CDKL1: variants seen among roughly 807,000 people sequenced by gnomAD.
CDKL1 encodes the protein cyclin dependent kinase like 1.
CDKL1 carries 41 observed loss-of-function variants against 42.0 expected under a neutral mutation model. That is an observed-to-expected ratio of 0.98 (90% confidence interval 0.76 to 1.27). The LOEUF is 1.27. CDKL1 is among the 50% of genes most tolerant of loss of function. The probability of loss-of-function intolerance (pLI) is 0.00; values close to 1 mark genes in which losing one functional copy is unlikely to be tolerated. For missense variants in CDKL1, 394 were observed against 428.4 expected (o/e 0.92, Z 0.71); for synonymous variants, 153 against 158.6 (o/e 0.96, Z 0.26).
intron 2 of CDKL1, among the ~76,000 whole-genome samples, chr14:50,373,341 A>G (rs1032715232): frequency 1.3e-5 from 2 of 152,248 alleles, no homozygotes; most frequent in African/African-American, 4.8e-5. Flanking sequence ...AAGAGGAAAT[A>G]TAAATGATAA....
chr14:50,354,224 G>A (rs1375923059), intron 3 of CDKL1, among the ~76,000 whole-genome samples: 1 of 152,026 alleles, frequency 6.6e-6, no homozygotes, highest in African/African-American at 2.4e-5. Context: ...CAAAGTGCTG[G>A]GATTGCAGGT....
At chr14:50,358,636 C>CTTTGTTTTTTTTTTTT (rs2034134555) in intron 3 of CDKL1, among the ~76,000 whole-genome samples, 1 of 67,646 alleles carries the variant, frequency 1.5e-5, no homozygotes, top group Non-Finnish European at 2.8e-5. Context: ...TTTAACTAGT[C>CTTTGTTTTTTTTTTTT]TTTTTTTTTT....
rs139893253 is a variant in CDKL1, at chr14:50,380,606, C to T, written c.168+15095G>A. ...TCCACAAGGACCTTAATTGTCTTGA[C>T]GTTCCACTGAATATCATGCTGCTCC... On this transcript the variant is annotated intron_variant, in intron 2 of 9. Transcript: ENST00000395834. Among the ~76,000 whole-genome samples the T allele has an allele frequency of 3.3e-5, 5 of 152,334 alleles. No homozygotes were observed. The East Asian group carries it at 5.8e-4, about 18-fold the overall frequency.
At chr14:50,359,878 C>T (rs2034185949) in intron 2 of CDKL1, among the ~76,000 whole-genome samples, 1 of 149,448 alleles carries the variant, frequency 6.7e-6, no homozygotes, top group African/African-American at 2.5e-5. Context: ...CTGGCCCTTT[C>T]TGGACATAAT....
chr14:50,335,407 G>T, intron 7 of CDKL1: 1 of 1,362,518 alleles, frequency 7.3e-7, no homozygotes. Context: ...TTGATTTTCT[G>T]GAATAAACAC....
intron 7 of CDKL1, 36 bp downstream of exon 7, chr14:50,338,911 T>C: frequency 7.6e-7 from 1 of 1,308,574 alleles, no homozygotes; most frequent in Non-Finnish European, 1.1e-6. Context: ...CTAGCTAGCC[T>C]GGCCTACAGA....
At chr14:50,366,895 T>C (rs1418967889) in intron 2 of CDKL1, among the ~76,000 whole-genome samples, 1 of 151,834 alleles carries the variant, frequency 6.6e-6, no homozygotes, top group African/African-American at 2.4e-5. Context: ...AAGAAGTCAC[T>C]AGCTTTGTCT....
chr14:50,389,635 C>G (rs1376547574), intron 2 of CDKL1, among the ~76,000 whole-genome samples: 1 of 151,944 alleles, frequency 6.6e-6, no homozygotes, highest in African/African-American at 2.4e-5. Context: ...GGCAAACCTA[C>G]AAAGGTTTGT....
intron 2 of CDKL1, chr14:50,362,997 G>A (rs1461036257): frequency 8.7e-6 from 4 of 461,630 alleles, no homozygotes; most frequent in South Asian, 4.7e-5. Flanking sequence ...ATGGCAAAGG[G>A]CTGCAGCTTC....
intron 2 of CDKL1, among the ~76,000 whole-genome samples, chr14:50,392,235 C>T (rs765910065): frequency 5.8e-4 from 88 of 152,252 alleles, no homozygotes; most frequent in Admixed American, 1.4e-3. Flanking sequence ...CATTTGAGGT[C>T]AGGAGTTTGA....
intron 2 of CDKL1, among the ~76,000 whole-genome samples, chr14:50,385,128 G>A: frequency 7.1e-6 from 1 of 141,836 alleles, no homozygotes; most frequent in African/African-American, 2.6e-5. Context: ...GGTGAAAGTT[G>A]TTGGGGAACA....
At chr14:50,339,071 A>G (rs777120136) in intron 6 of CDKL1, 42 bp from the exon 7 acceptor site, 3 of 1,267,526 alleles carry the variant, frequency 2.4e-6, no homozygotes, top group Non-Finnish European at 3.5e-6. Flanking sequence ...ATTGGTTAGC[A>G]AACACTGATC....
intron 2 of CDKL1, among the ~76,000 whole-genome samples, chr14:50,388,229 T>C (rs1178157816): frequency 6.6e-6 from 1 of 152,224 alleles, no homozygotes; most frequent in African/African-American, 2.4e-5. Context: ...TCAACTAATA[T>C]TTGAAGAGCA....
chr14:50,340,613 C>T (rs1358845276), intron 6 of CDKL1, among the ~76,000 whole-genome samples: 2 of 152,162 alleles, frequency 1.3e-5, no homozygotes, highest in African/African-American at 2.4e-5. Flanking sequence ...AATCATTCTC[C>T]ATAGAGTCTG....
chr14:50,332,149 C>T (rs762231399), intron 9 of CDKL1, 113 bp downstream of exon 9: 1 of 1,613,134 alleles, frequency 6.2e-7, no homozygotes, highest in South Asian at 1.1e-5. Context: ...TATGACCTGT[C>T]TCCTAGTGCT....
chr14:50,332,459 TTA>T (rs2033009033), intron 8 of CDKL1, 27 bp from the exon 9 acceptor site: 3 of 1,573,936 alleles, frequency 1.9e-6, no homozygotes, highest in African/African-American at 2.8e-5. Flanking sequence ...TTCCTTCTTC[TTA>T]CTTCTTCAAA....
chr14:50,385,580 TGGATCACAA>T (rs2035052605), intron 2 of CDKL1, among the ~76,000 whole-genome samples: 1 of 151,614 alleles, frequency 6.6e-6, no homozygotes, highest in African/African-American at 2.4e-5. Context: ...CCAAGGCGGG[TGGATCACAA>T]GGTCAGGAGT....
intron 6 of CDKL1, among the ~76,000 whole-genome samples, chr14:50,340,451 TG>T (rs2033471539): frequency 6.6e-6 from 1 of 152,020 alleles, no homozygotes; most frequent in South Asian, 2.1e-4. Flanking sequence ...TCACTACTGA[TG>T]GGTTTTTTTT....
intron 2 of CDKL1, chr14:50,390,355 T>A: frequency 7.3e-7 from 1 of 1,366,150 alleles, no homozygotes; most frequent in Non-Finnish European, 9.8e-7. Flanking sequence ...GCTAGGAGCA[T>A]CTACTTTTTC....
Sources: allele counts gnomAD v4.1 joint callset (sites outside exome capture counted in the v4.1 genomes callset), GRCh38; gene constraint gnomAD v4.1.1; transcripts MANE v1.5; gene names NCBI Gene and HGNC (gene_info 2026-07-23, HGNC 2026-07-21).